Variants in NDUFAB1 observed in about 807,000 individuals in gnomAD.
NDUFAB1 encodes the protein NADH:ubiquinone oxidoreductase subunit AB1.
NDUFAB1 carries 5 observed loss-of-function variants against 16.1 expected under a neutral mutation model. That is an observed-to-expected ratio of 0.31 (90% CI 0.16 to 0.65). NDUFAB1 has a LOEUF of 0.65. Ranked by LOEUF, NDUFAB1 falls within the 30% of genes least tolerant of loss-of-function variation. The pLI is 0.77. For synonymous variants in NDUFAB1, 85 were observed against 78.4 expected, an observed-to-expected ratio of 1.08 and a Z score of -0.44; for missense variants, 187 against 205.3, an observed-to-expected ratio of 0.91 and a Z score of 0.54.
At position 23,592,554 on chromosome 16, in the gene NDUFAB1, C is replaced by T. The variant is rs190482839; in HGVS notation, c.168+3569G>A. The stretch of plus-strand genomic sequence containing the variant: ...TAGCTAGCTTTTTTTTGTACAAGTG[C>T]TGTCTTCATCTGCGTACCATGCCCC... On this transcript the variant is annotated intron_variant, in intron 1 of 4. Transcript: ENST00000007516. Among the ~76,000 whole-genome samples the T allele has an allele frequency of 2.6e-5, 4 of 152,232 alleles. 1 individual carries two copies. In the East Asian group the frequency reaches 7.7e-4, roughly 29 times the overall value.
intron 3 of NDUFAB1, among the ~76,000 whole-genome samples, chr16:23,583,385 G>A (rs1263549405): frequency 2.1e-5 from 3 of 142,766 alleles, no homozygotes; most frequent in Non-Finnish European, 4.6e-5. Flanking sequence ...GCCTCTGCCC[G>A]GCTGCCCAGT....
chr16:23,587,411 CG>C lies in NDUFAB1; in HGVS notation c.169-93del, dbSNP rs1966243272. ...CTATAGGTAACTTTCACAGAACTTT[CG>C]GGGCTTTAGAGAACCCACAGCATCT... On this transcript the variant is annotated intron_variant, in intron 1 of 4. Transcript: ENST00000007516. 6 of 1,491,160 alleles carry C rather than the reference CG, an allele frequency of 4.0e-6. No individual in the cohort carries two copies. The South Asian group carries it at 6.3e-5, about 16-fold the overall frequency. The allele number at this position is 1,491,160 out of a possible 1,614,324, so 92.4% of individuals were successfully genotyped here.
At chr16:23,594,175 C>A (rs1238407605) in intron 1 of NDUFAB1, among the ~76,000 whole-genome samples, 1 of 151,978 alleles carries the variant, frequency 6.6e-6, no homozygotes, top group Non-Finnish European at 1.5e-5. Context: ...GCCATCGCGC[C>A]TGGCCTTTAA....
chr16:23,596,125 G>C lies in NDUFAB1; in HGVS notation c.166C>G (p.Gln56Glu), dbSNP rs751755928. 1.2e-6 allele frequency: 2 copies of C among 1,606,424 alleles called. No individual in the cohort carries two copies. Among genetic ancestry groups the C allele is most frequent in the Admixed American group, 3.4e-5 (2 of 59,524 alleles). ...GCAGCAAAGTCACCACGAGTCACCT[G>C]CGCGAGCACTAAGGCCGGCTGCAAA... The part of the protein sequence containing the change: ...GTLQPALVLA[Q>E]VPGRVTQLCR... Residue 56 changes from glutamine (Q) to glutamate (E), a missense_variant and splice_region_variant, in exon 1 of 5, where the codon CAG (glutamine) becomes GAG (glutamate). Physicochemically the swap from Gln to Glu is conservative, Grantham distance 29. Around this residue, in one of 3 missense-constraint regions of NDUFAB1, gnomAD observed 135 missense variants for 129.4 expected, o/e 1.04. Coordinates refer to ENST00000007516, the MANE Select transcript of NDUFAB1 (RefSeq NM_005003.3).
intron 2 of NDUFAB1, 44 bp from the exon 3 acceptor site, chr16:23,585,467 C>T: frequency 7.4e-7 from 1 of 1,354,332 alleles, no homozygotes; most frequent in Non-Finnish European, 1.1e-6. Flanking sequence ...TCCATGAAAG[C>T]ATCTGCTTCC....
At chr16:23,584,990 A>T (rs1463037196) in intron 3 of NDUFAB1, among the ~76,000 whole-genome samples, 1 of 152,196 alleles carries the variant, frequency 6.6e-6, no homozygotes, top group Admixed American at 6.5e-5. Context: ...CGAGCTCAGG[A>T]GGGGCTGACA....
chr16:23,591,395 A>G (rs1026976224), intron 1 of NDUFAB1, among the ~76,000 whole-genome samples: 1 of 152,180 alleles, frequency 6.6e-6, no homozygotes, highest in African/African-American at 2.4e-5. Flanking sequence ...ACTGGGGCTC[A>G]CTTCTGCCTG....
chr16:23,592,340 GA>G (rs941048329), intron 1 of NDUFAB1, among the ~76,000 whole-genome samples: 15,660 of 120,460 alleles, frequency 0.13, 911 homozygotes, highest in African/African-American at 0.19. Flanking sequence ...ACCTTGTCTG[GA>G]AAAAAAAAAA....
chr16:23,595,153 G>A (rs1442781226), intron 1 of NDUFAB1, among the ~76,000 whole-genome samples: 2 of 152,088 alleles, frequency 1.3e-5, no homozygotes, highest in Admixed American at 1.3e-4. Context: ...CGGGGGGGCT[G>A]AGGGAGGAGA....
At chr16:23,583,363 G>A (rs1966199890) in intron 3 of NDUFAB1, among the ~76,000 whole-genome samples, 2 of 151,722 alleles carry the variant, frequency 1.3e-5, no homozygotes, top group East Asian at 2.0e-4. Context: ...CATCGTCTGA[G>A]ATGTGGGGAG....
intron 2 of NDUFAB1, among the ~76,000 whole-genome samples, chr16:23,585,815 A>G (rs987962513): frequency 1.3e-5 from 2 of 152,308 alleles, no homozygotes; most frequent in Middle Eastern, 6.8e-3. Flanking sequence ...TACAGAGGCT[A>G]TAACTGACAT....
At chr16:23,588,765 G>A (rs1966254359) in intron 1 of NDUFAB1, among the ~76,000 whole-genome samples, 1 of 152,064 alleles carries the variant, frequency 6.6e-6, no homozygotes, top group African/African-American at 2.4e-5. Context: ...ATCACTTGAG[G>A]CCAGGAGTTC....
chr16:23,591,660 G>A (rs574896513), intron 1 of NDUFAB1, among the ~76,000 whole-genome samples: 10 of 152,270 alleles, frequency 6.6e-5, no homozygotes, highest in African/African-American at 2.2e-4. Flanking sequence ...CCTCGCTGCA[G>A]CATACAGCTC....
At chr16:23,588,683 A>G (rs138937813) in intron 1 of NDUFAB1, among the ~76,000 whole-genome samples, 6 of 152,274 alleles carry the variant, frequency 3.9e-5, no homozygotes, top group Non-Finnish European at 8.8e-5. Flanking sequence ...CATCTTGCAT[A>G]AAGAACAGGT....
intron 3 of NDUFAB1, among the ~76,000 whole-genome samples, chr16:23,584,260 A>AAAAAAAAAAG (rs1966213083): frequency 7.9e-6 from 1 of 126,174 alleles, no homozygotes; most frequent in African/African-American, 2.7e-5. Context: ...TCAATTAAAA[A>AAAAAAAAAAG]AAAAAAAAAA....
At chr16:23,589,737 C>A (rs1966262400) in intron 1 of NDUFAB1, among the ~76,000 whole-genome samples, 1 of 150,056 alleles carries the variant, frequency 6.7e-6, no homozygotes, top group African/African-American at 2.5e-5. Flanking sequence ...GAGTTTAAGA[C>A]CAGCCTGCCC....
chr16:23,589,363 A>C (rs1297021818), intron 1 of NDUFAB1, among the ~76,000 whole-genome samples: 3 of 151,988 alleles, frequency 2.0e-5, no homozygotes, highest in Non-Finnish European at 4.4e-5. Flanking sequence ...AGTATGATAG[A>C]TATTCTAACG....
intron 2 of NDUFAB1, among the ~76,000 whole-genome samples, chr16:23,586,410 A>C (rs1966233756): frequency 6.6e-6 from 1 of 151,600 alleles, no homozygotes; most frequent in South Asian, 2.1e-4. Flanking sequence ...ATCTCGGCTC[A>C]CTGCACCCTC....
chr16:23,593,552 G>A (rs777224324), intron 1 of NDUFAB1, among the ~76,000 whole-genome samples: 54 of 152,168 alleles, frequency 3.5e-4, no homozygotes, highest in Non-Finnish European at 1.3e-4. Context: ...TGGTTCCTCT[G>A]CTATATATGC....
Sources: gnomAD v4.1 joint callset for allele counts (sites outside exome capture counted in the v4.1 genomes callset) on GRCh38, gnomAD v4.1.1 for gene constraint, gnomAD v4.1.1 regional missense constraint, MANE v1.5 for transcripts, NCBI Gene and HGNC (gene_info 2026-07-23, HGNC 2026-07-21) for gene names.